The following PCDH15 variants were observed in gnomAD, a reference collection of about 807,000 sequenced individuals.
PCDH15 encodes the protein protocadherin related 15, also known as protocadherin-15.
PCDH15 carries 129 observed loss-of-function variants against 178.5 expected under a neutral mutation model. The observed-to-expected ratio is 0.72, with a 90% CI of 0.63 to 0.84. PCDH15 has a LOEUF of 0.84. Ranked by LOEUF, PCDH15 falls within the 40% of genes least tolerant of loss-of-function variation. The probability of loss-of-function intolerance (pLI) is 0.00; values close to 1 mark genes in which losing one functional copy is unlikely to be tolerated. For missense variants in PCDH15, 2,230 were observed against 2,099.9 expected, an observed-to-expected ratio of 1.06 and a Z score of -1.21; for synonymous variants, 800 against 732.0, an observed-to-expected ratio of 1.09 and a Z score of -1.50.
chr10:53,809,270 T>C, intron 37 of PCDH15: 1 of 1,614,006 alleles, frequency 6.2e-7, no homozygotes, highest in South Asian at 1.1e-5. Context: ...TCTACAGTGC[T>C]TTCTGTTGCT....
chr10:53,911,525 C>T (rs963274171), intron 25 of PCDH15, among the ~76,000 whole-genome samples: 1 of 152,144 alleles, frequency 6.6e-6, no homozygotes, highest in Non-Finnish European at 1.5e-5. Context: ...CTAAAATTGA[C>T]ACCCTAACAT....
chr10:55,563,908 T>C (rs909931730), intron 2 of PCDH15, among the ~76,000 whole-genome samples: 1 of 151,928 alleles, frequency 6.6e-6, no homozygotes, highest in Non-Finnish European at 1.5e-5. Flanking sequence ...CATTAACCGC[T>C]ATAAATGCTC....
At chr10:54,151,440 C>T (rs2044520295) in intron 14 of PCDH15, among the ~76,000 whole-genome samples, 1 of 151,972 alleles carries the variant, frequency 6.6e-6, no homozygotes, top group Non-Finnish European at 1.5e-5. Flanking sequence ...ACTAGTGAGG[C>T]TGAGGTGGGC....
chr10:54,345,619 T>C (rs912995763), intron 6 of PCDH15, among the ~76,000 whole-genome samples: 6 of 151,466 alleles, frequency 4.0e-5, no homozygotes, highest in Non-Finnish European at 7.4e-5. Flanking sequence ...AAAAACAACA[T>C]AGAAATCTTC....
chr10:54,249,818 TACTC>T (rs1157611627), intron 8 of PCDH15, among the ~76,000 whole-genome samples: 2 of 152,204 alleles, frequency 1.3e-5, no homozygotes, highest in Non-Finnish European at 2.9e-5. Context: ...AAAGACTTAA[TACTC>T]ACCAAATTAT....
intron 3 of PCDH15, among the ~76,000 whole-genome samples, chr10:54,523,899 A>G (rs2083125123): frequency 1.3e-5 from 2 of 152,190 alleles, no homozygotes. Context: ...GGAAATTTAG[A>G]GAAGAAAGGC....
rs373897381 is a variant in PCDH15, at chr10:54,575,022, A to T, written c.92-47145T>A. On this transcript the variant is annotated intron_variant, in intron 2 of 37. Transcript: ENST00000644397. ...GTAGGGACATGGATGATATTGGAAAACATCATTCTCAGTAAACTATCGCAA... is the reference window on the plus strand; with the variant it reads ...GTAGGGACATGGATGATATTGGAAATCATCATTCTCAGTAAACTATCGCAA... Among the ~76,000 whole-genome samples, 4 of 148,476 alleles carry T rather than the reference A, an allele frequency of 2.7e-5. No homozygotes were observed. The East Asian group carries it at 8.1e-4, about 30-fold the overall frequency.
chr10:54,889,936 A>G (rs1954430296), intron 3 of PCDH15, among the ~76,000 whole-genome samples: 2 of 151,960 alleles, frequency 1.3e-5, no homozygotes, highest in Non-Finnish European at 2.9e-5. Flanking sequence ...TTAGAGACAC[A>G]TTAGCCATTG....
chr10:55,185,786 A>G (rs1231935094), intron 1 of PCDH15, among the ~76,000 whole-genome samples: 1 of 151,698 alleles, frequency 6.6e-6, no homozygotes, highest in Non-Finnish European at 1.5e-5. Context: ...CGAAGGTAAT[A>G]TATATTGAGT....
At chr10:54,829,247 G>T (rs1953182764) in intron 3 of PCDH15, among the ~76,000 whole-genome samples, 1 of 151,920 alleles carries the variant, frequency 6.6e-6, no homozygotes, top group Non-Finnish European at 1.5e-5. Context: ...TTGTGAAGTG[G>T]AAGCAGAGAG....
At chr10:54,974,409 G>T (rs72800058) in intron 2 of PCDH15, among the ~76,000 whole-genome samples, 1 of 151,496 alleles carries the variant, frequency 6.6e-6, no homozygotes, top group South Asian at 2.1e-4. Context: ...CTCTATTTAT[G>T]TTGATACTTT....
At chr10:55,598,822 A>G (rs914797137) in intron 2 of PCDH15, among the ~76,000 whole-genome samples, 1 of 151,928 alleles carries the variant, frequency 6.6e-6, no homozygotes, top group African/African-American at 2.4e-5. Context: ...TACAGAGGAG[A>G]TAAATCGTAA....
intron 2 of PCDH15, among the ~76,000 whole-genome samples, chr10:54,898,376 T>C (rs1954582822): frequency 6.6e-6 from 1 of 152,118 alleles, no homozygotes; most frequent in Non-Finnish European, 1.5e-5. Flanking sequence ...AATAATAAAC[T>C]AGGGTTATTT....
chr10:54,752,564 A>G (rs1946491252), intron 1 of PCDH15, among the ~76,000 whole-genome samples: 1 of 151,644 alleles, frequency 6.6e-6, no homozygotes, highest in Non-Finnish European at 1.5e-5. Flanking sequence ...CCTATATGTC[A>G]GAAAAAACTT....
chr10:54,278,606 A>G (rs1405396829), intron 8 of PCDH15, among the ~76,000 whole-genome samples: 1 of 151,422 alleles, frequency 6.6e-6, no homozygotes, highest in Non-Finnish European at 1.5e-5. Context: ...ACCCAACATA[A>G]CTAAGGAGCA....
chr10:54,513,280 A>T (rs1259049159), intron 3 of PCDH15, among the ~76,000 whole-genome samples: 2 of 129,970 alleles, frequency 1.5e-5, no homozygotes. Flanking sequence ...TTTATTTATG[A>T]GACACAGTCT....
intron 9 of PCDH15, among the ~76,000 whole-genome samples, chr10:54,225,875 T>C (rs1241375754): frequency 1.3e-5 from 2 of 152,198 alleles, no homozygotes; most frequent in African/African-American, 4.8e-5. Flanking sequence ...TGACACTGTG[T>C]CTCTGTATGT....
chr10:55,616,519 C>CAAAAAAAAA (rs34005780), intron 2 of PCDH15, among the ~76,000 whole-genome samples: 1 of 127,488 alleles, frequency 7.8e-6, no homozygotes, highest in Non-Finnish European at 1.8e-5. Flanking sequence ...CTGAAATTAG[C>CAAAAAAAAA]AAAAAAAAAA....
intron 1 of PCDH15, among the ~76,000 whole-genome samples, chr10:55,185,053 T>TA (rs1242114860): frequency 1.3e-5 from 2 of 151,980 alleles, no homozygotes; most frequent in Non-Finnish European, 2.9e-5. Context: ...TAAGGTAAAA[T>TA]AACTTGCTTT....
Sources: gnomAD v4.1 joint callset for allele counts (sites outside exome capture counted in the v4.1 genomes callset) on GRCh38, gnomAD v4.1.1 for gene constraint, MANE v1.5 for transcripts, NCBI Gene and HGNC (gene_info 2026-07-23, HGNC 2026-07-21) for gene names.